The following BAHCC1 variants were observed in gnomAD, a reference collection of about 807,000 sequenced individuals.
BAHCC1 encodes the protein BAH and coiled-coil domain-containing protein 1.
BAHCC1 carries 43 observed loss-of-function variants against 88.2 expected under a neutral mutation model. The ratio of observed to expected loss-of-function variants is 0.49; its 90% CI spans 0.38 to 0.63. BAHCC1 has a LOEUF of 0.63. BAHCC1 is among the 20% of genes least tolerant of loss of function. The probability of loss-of-function intolerance (pLI) is 0.00; values close to 1 mark genes in which losing one functional copy is unlikely to be tolerated. For missense variants in BAHCC1, 3,023 were observed against 1,654.8 expected, an observed-to-expected ratio of 1.83 and a Z score of -14.34; for synonymous variants, 1,510 against 745.5, an observed-to-expected ratio of 2.03 and a Z score of -16.71.
chr17:81,443,472 C>T lies in BAHCC1; in HGVS notation c.2123C>T (p.Ala708Val), dbSNP rs1555653338. Reference sequence around the variant, plus strand: ...CAGCCCCCTGTGGGCATTGCAGTGGCCTTGGCCCGGCAGAAGGACACAGTG... The same window carrying T: ...CAGCCCCCTGTGGGCATTGCAGTGGTCTTGGCCCGGCAGAAGGACACAGTG... Reference protein sequence around the residue: ...VRQPPVGIAVALARQKDTVSR... With the variant: ...VRQPPVGIAVVLARQKDTVSR... The change falls in exon 5 of 28, where the codon GCC becomes GTC. Residue 708 changes from alanine to valine, a missense_variant. By Grantham distance (64) the Ala-to-Val change is moderately conservative. Coordinates refer to ENST00000675386, the MANE Select transcript of BAHCC1 (RefSeq NM_001377448.1). 1 of 725,342 alleles carries T rather than the reference C, an allele frequency of 1.4e-6. No individual in the cohort carries two copies. Among genetic ancestry groups the T allele is most frequent in the Admixed American group, 1.9e-5 (1 of 51,722 alleles). 44.9% of individuals were successfully genotyped at this position (725,342 alleles called of 1,614,324 possible).
rs531391983 is a variant in BAHCC1, at chr17:81,444,374, C to G, written c.2325-7C>G. ...CCGGCGGCAGGGCTGAGCCCCAGGT[C>G]TTACAGGGACAGCAAAGACCGCGTA... On this transcript the variant is annotated splice_polypyrimidine_tract_variant and splice_region_variant and intron_variant, in intron 6 of 27. Transcript: ENST00000675386. 1.4e-6 allele frequency: 1 copy of G among 732,316 alleles called. No homozygotes were observed. The highest frequency in any genetic ancestry group is 1.7e-5 in the African/African-American group (1 of 57,924). The allele number at this position is 732,316 out of a possible 1,614,324, so 45.4% of individuals were successfully genotyped here. A position where few individuals can be genotyped will look rare whatever the true frequency, so the allele number is the denominator to read the frequency against.
intron 26 of BAHCC1, chr17:81,462,522 C>A (rs2030389173): frequency 1.2e-5 from 7 of 570,036 alleles, no homozygotes; most frequent in Non-Finnish European, 1.9e-5. Context: ...CGTCATGATT[C>A]CATGTGCGGG....
At chr17:81,412,690 G>T (rs558264021) in intron 2 of BAHCC1, among the ~76,000 whole-genome samples, 32 of 152,200 alleles carry the variant, frequency 2.1e-4, no homozygotes, top group African/African-American at 5.3e-4. Context: ...CGCGCCCCCC[G>T]CCCCACCCTG....
At chr17:81,430,873 G>T (rs1447831272) in intron 3 of BAHCC1, among the ~76,000 whole-genome samples, 1 of 152,134 alleles carries the variant, frequency 6.6e-6, no homozygotes. Context: ...CTATGTGGGG[G>T]GTGTGGCCCT....
chr17:81,450,240 G>A (rs1418776010), intron 11 of BAHCC1, among the ~76,000 whole-genome samples: 2 of 151,988 alleles, frequency 1.3e-5, no homozygotes, highest in Non-Finnish European at 2.9e-5. Flanking sequence ...CACCCCCACC[G>A]CAAGGTGTCT....
Position 81,460,865 on chromosome 17 carries a change from G to T in BAHCC1, c.6203-1G>T. 2 of 766,470 alleles carry T rather than the reference G, an allele frequency of 2.6e-6. No individual in the cohort carries two copies. Among genetic ancestry groups the T allele is most frequent in the Non-Finnish European group, 4.8e-6 (2 of 417,890 alleles). The allele number at this position is 766,470 out of a possible 1,614,324, so 47.5% of individuals were successfully genotyped here. A position where few individuals can be genotyped will look rare whatever the true frequency, so the allele number is the denominator to read the frequency against. Reference sequence around the variant, plus strand: ...TGACTCTGCTGGGCTTTTGCCCTCAGGTAAAGCCGAACTCCTAACCTCAGG... The same window carrying T: ...TGACTCTGCTGGGCTTTTGCCCTCATGTAAAGCCGAACTCCTAACCTCAGG... On this transcript the variant is annotated splice_acceptor_variant, in intron 25 of 27. Transcript: ENST00000675386. LOFTEE classifies it high-confidence loss of function.
intron 2 of BAHCC1, among the ~76,000 whole-genome samples, chr17:81,419,617 T>G (rs1555649331): frequency 2.2e-5 from 3 of 137,700 alleles, no homozygotes; most frequent in East Asian, 2.2e-4. Context: ...GGAGCCTGAG[T>G]GGGTGTGGGT....
intron 3 of BAHCC1, among the ~76,000 whole-genome samples, chr17:81,437,261 G>A (rs1292501994): frequency 6.6e-6 from 1 of 152,252 alleles, no homozygotes; most frequent in African/African-American, 2.4e-5. Flanking sequence ...CCCAACCACA[G>A]CCAGCCGCTC....
At chr17:81,415,880 G>A (rs1274481904) in intron 2 of BAHCC1, among the ~76,000 whole-genome samples, 2 of 152,242 alleles carry the variant, frequency 1.3e-5, no homozygotes, top group African/African-American at 2.4e-5. Flanking sequence ...CATCGAGGAC[G>A]GCCCAGGATG....
intron 11 of BAHCC1, chr17:81,451,311 C>A (rs899287): frequency 4.1e-6 from 1 of 244,572 alleles, no homozygotes; most frequent in Admixed American, 5.3e-5. Flanking sequence ...GGCTGCCGTT[C>A]GAAGCAGGGC....
rs561934630 is a variant in BAHCC1, at chr17:81,408,111, T to A, written c.178+8194T>A. ...TCCTCCTGCTGCCCCTGTGTGGCTG[T>A]GGACCGTGTCCTCGGGCTCCAGCTG... On this transcript the variant is annotated intron_variant, in intron 2 of 27. Transcript: ENST00000675386. Among the ~76,000 whole-genome samples, 14 of 152,344 alleles carry A rather than the reference T, an allele frequency of 9.2e-5. No homozygotes were observed. The South Asian group carries it at 1.7e-3, about 18-fold the overall frequency.
chr17:81,439,140 G>A (rs1555652144), intron 4 of BAHCC1, among the ~76,000 whole-genome samples: 3 of 152,176 alleles, frequency 2.0e-5, no homozygotes, highest in Admixed American at 2.0e-4. Context: ...TGGTGCCAGC[G>A]AGTCCCCTCA....
chr17:81,463,488 C>T lies in BAHCC1; in HGVS notation c.7621-123C>T, dbSNP rs559124473. On this transcript the variant is annotated intron_variant, in intron 27 of 27. Coordinates refer to ENST00000675386, the MANE Select transcript of BAHCC1 (RefSeq NM_001377448.1). Reference sequence around the variant, plus strand: ...TGGCAGGTTCCTCGGCCCCGTCTTCCGGCCACACAGAAGTCCATCCGGTGA... The same window carrying T: ...TGGCAGGTTCCTCGGCCCCGTCTTCTGGCCACACAGAAGTCCATCCGGTGA... The T allele has an allele frequency of 1.9e-4, 125 of 669,238 alleles. 1 individual carries two copies. The highest frequency in any genetic ancestry group is 1.6e-3 in the African/African-American group (93 of 56,942). 41.5% of individuals were successfully genotyped at this position (669,238 alleles called of 1,614,324 possible). A position where few individuals can be genotyped will look rare whatever the true frequency, so the allele number is the denominator to read the frequency against.
chr17:81,432,617 CCT>C (rs2064277009), intron 3 of BAHCC1, among the ~76,000 whole-genome samples: 2 of 109,124 alleles, frequency 1.8e-5, no homozygotes, highest in African/African-American at 7.8e-5. Flanking sequence ...CGTCCCCAGC[CCT>C]GGACCCACCC....
chr17:81,426,013 A>ATAC (rs1252746221), intron 2 of BAHCC1, among the ~76,000 whole-genome samples: 52 of 1,962 alleles, frequency 0.027, no homozygotes, highest in South Asian at 0.038. Flanking sequence ...GTTGGGGGTG[A>ATAC]TGGTGGGTGA....
intron 1 of BAHCC1, among the ~76,000 whole-genome samples, chr17:81,397,552 C>T (rs1383304665): frequency 1.3e-5 from 2 of 152,150 alleles, no homozygotes; most frequent in African/African-American, 2.4e-5. Flanking sequence ...CCTCCCTTTC[C>T]TTCTTTCCCT....
At chr17:81,406,785 C>T (rs973064396) in intron 2 of BAHCC1, 6 of 421,826 alleles carry the variant, frequency 1.4e-5, no homozygotes, top group Middle Eastern at 6.3e-4. Context: ...TGGGGGCAGG[C>T]GGCGCCCAGG....
Position 81,458,854 on chromosome 17 carries a change from C to G in BAHCC1, c.5490C>G (p.Ala1830=), listed in dbSNP as rs200801069. Residue 1830 remains alanine, a synonymous_variant, in exon 20 of 28, where the codon GCC becomes GCG. Transcript: ENST00000675386. ...TGAGCCGCCTGCTGGAAAGCTTCGC[C>G]GTGGAGGAAGACTTTGAGTTCGACG... ...RAVSRLLESF[A]VEEDFEFDDN... The G allele has an allele frequency of 5.2e-6, 4 of 771,456 alleles. No individual in the cohort carries two copies. The highest frequency in any genetic ancestry group is 2.4e-6 in the Non-Finnish European group (1 of 412,074). 47.8% of individuals were successfully genotyped at this position (771,456 alleles called of 1,614,324 possible).
chr17:81,439,123 C>G (rs147348857), intron 4 of BAHCC1, among the ~76,000 whole-genome samples: 1 of 152,186 alleles, frequency 6.6e-6, no homozygotes, highest in East Asian at 1.9e-4. Context: ...CCAGCAGAGC[C>G]GAGTCCTGGT....
Sources: allele counts gnomAD v4.1 joint callset (sites outside exome capture counted in the v4.1 genomes callset), GRCh38; gene constraint gnomAD v4.1.1; transcripts MANE v1.5; gene names NCBI Gene and HGNC (gene_info 2026-07-23, HGNC 2026-07-21).